Variants in DNAH5 observed in about 807,000 individuals in gnomAD.
DNAH5 encodes the protein axonemal beta dynein heavy chain 5.
In DNAH5, 372 loss-of-function variants were observed where a neutral mutation model predicts 518.2. The observed-to-expected ratio is 0.72, with a 90% CI of 0.66 to 0.78. The LOEUF (loss-of-function observed/expected upper bound fraction) is 0.78. Ranked by LOEUF, DNAH5 falls within the 30% of genes least tolerant of loss-of-function variation. The probability of loss-of-function intolerance (pLI) is 0.00; values close to 1 mark genes in which losing one functional copy is unlikely to be tolerated. For synonymous variants in DNAH5, 2,039 were observed against 2,025.9 expected (o/e 1.01, Z -0.17); for missense variants, 5,523 against 5,687.0 (o/e 0.97, Z 0.93).
chr5:13,811,715 T>C lies in DNAH5; in HGVS notation c.7339A>G (p.Met2447Val). 1 of 1,614,152 alleles carries C rather than the reference T, an allele frequency of 6.2e-7. No individual in the cohort carries two copies. The highest frequency in any genetic ancestry group is 8.5e-7 in the Non-Finnish European group (1 of 1,180,018). Residue 2447 changes from methionine (M) to valine (V), a missense_variant, in exon 44 of 79, where the codon ATG becomes GTG. Met to Val is a conservative substitution (Grantham distance 21). Transcript: ENST00000265104. ...RFCIQNLEYK[M>V]EVLEAFVITQ... Reference sequence around the variant, plus strand: ...ATGACAAAGGCCTCCAGCACCTCCATCTTGTATTCTAAGTTCTGGATACAG... The same window carrying C: ...ATGACAAAGGCCTCCAGCACCTCCACCTTGTATTCTAAGTTCTGGATACAG...
intron 76 of DNAH5, 113 bp downstream of exon 76, chr5:13,708,010 C>G: frequency 1.5e-6 from 2 of 1,290,414 alleles, no homozygotes; most frequent in Non-Finnish European, 2.2e-6. Flanking sequence ...GGGCTTCGTC[C>G]CTGTGCAAAA....
At position 13,980,176 on chromosome 5, in the gene DNAH5, G is replaced by A. The variant is rs539289602; in HGVS notation, c.12+31472C>T. Reference sequence around the variant, plus strand: ...TGAAATGCCTTCCTCACTCGACCAGGACATTCCTTCTCCTGACCCTGCACT... The same window carrying A: ...TGAAATGCCTTCCTCACTCGACCAGAACATTCCTTCTCCTGACCCTGCACT... On this transcript the variant is annotated intron_variant, in intron 1 of 78. Coordinates refer to the DNAH5 transcript ENST00000681290. 1.2e-4 allele frequency among the ~76,000 whole-genome samples: 19 copies of A among 152,032 alleles called. No individual in the cohort carries two copies. In the East Asian group the frequency reaches 2.7e-3, roughly 22 times the overall value.
At position 13,814,801 on chromosome 5, in the gene DNAH5, C is replaced by T. The variant is rs755596256; in HGVS notation, c.7034G>A (p.Trp2345Ter). 1.9e-6 allele frequency: 3 copies of T among 1,613,800 alleles called. No homozygotes were observed. The highest frequency in any genetic ancestry group is 2.5e-6 in the Non-Finnish European group (3 of 1,179,936). The stretch of plus-strand genomic sequence containing the variant: ...CAAAACAGAATTCAGATTTTCAATC[C>T]AGATGGCATCTACTGGACCATCAAG... The part of the protein sequence containing the change: ...IILDGPVDAI[W>*]IENLNSVLDD... Residue 2345 changes from tryptophan (W) to a stop codon, truncating the protein, a stop_gained, in exon 43 of 79, where the codon TGG (tryptophan) becomes TAG (stop). Coordinates refer to ENST00000265104, the MANE Select transcript of DNAH5 (RefSeq NM_001369.3). LOFTEE classifies it high-confidence loss of function.
At chr5:13,902,031 G>C (rs1292757839) in intron 13 of DNAH5, 22 bp downstream of exon 13, 2 of 1,480,324 alleles carry the variant, frequency 1.4e-6, no homozygotes, top group Non-Finnish European at 1.9e-6. Context: ...TTAGAAAATA[G>C]ACAATTTCTT....
rs529583467 is a variant in DNAH5 at position 13,747,991 on chromosome 5, CT to C, written c.11211+3086del. ...TGAATGGTATTGCCTAGGTTTTCTT[CT>C]AGGGTTTTTATAGTTTTAGGTCTAA... On this transcript the variant is annotated intron_variant, in intron 65 of 78. Coordinates refer to ENST00000265104, the MANE Select transcript of DNAH5 (RefSeq NM_001369.3). 2.5e-3 allele frequency among the ~76,000 whole-genome samples: 384 copies of C among 152,254 alleles called. 2 individuals carry two copies. In the Middle Eastern group the frequency reaches 0.031, roughly 12 times the overall value.
At chr5:13,914,042 T>G in intron 10 of DNAH5, 84 bp from the exon 11 acceptor site, 2 of 1,493,088 alleles carry the variant, frequency 1.3e-6, no homozygotes, top group Non-Finnish European at 1.8e-6. Context: ...ACAGCAAAAT[T>G]AGGATGGAAT....
chr5:14,004,135 G>A (rs1784554948), intron 1 of DNAH5, among the ~76,000 whole-genome samples: 2 of 152,188 alleles, frequency 1.3e-5, no homozygotes, highest in South Asian at 2.1e-4. Flanking sequence ...GAAATGCTTC[G>A]AATATTGCTG....
rs1206989225 is a variant in DNAH5, at chr5:13,766,129, AG to A, written c.9947del (p.Pro3316LeufsTer22). The A allele has an allele frequency of 6.2e-7, 1 of 1,614,190 alleles. No individual in the cohort carries two copies. The highest frequency in any genetic ancestry group is 8.5e-7 in the Non-Finnish European group (1 of 1,180,018). ...IATVRTLGRPPHLIMRIMDCV... is the reference protein window; with the variant it reads ...IATVRTLGRPXHLIMRIMDCV... ...AATCCATGATCCGCATGATGAGGTGAGGGGGGCGGCCCAACGTGCGAACAGT... is the reference window on the plus strand; with the variant it reads ...AATCCATGATCCGCATGATGAGGTGAGGGGGCGGCCCAACGTGCGAACAGT... On this transcript the variant is annotated frameshift_variant, in exon 59 of 79. Coordinates refer to ENST00000265104, the MANE Select transcript of DNAH5 (RefSeq NM_001369.3). LOFTEE classifies it high-confidence loss of function.
intron 12 of DNAH5, among the ~76,000 whole-genome samples, chr5:13,905,029 C>T (rs758653492): frequency 3.9e-5 from 6 of 152,150 alleles, no homozygotes; most frequent in Admixed American, 2.0e-4. Flanking sequence ...ATAAATAATT[C>T]ACAAAATTGA....
intron 43 of DNAH5, among the ~76,000 whole-genome samples, chr5:13,812,090 A>C (rs1180866688): frequency 2.0e-5 from 3 of 152,148 alleles, no homozygotes; most frequent in Non-Finnish European, 4.4e-5. Context: ...CCTGCTCAGG[A>C]GCCCACTGCA....
At chr5:13,866,303 G>C (rs1326606954) in intron 25 of DNAH5, 21 bp from the exon 26 acceptor site, 4 of 1,604,278 alleles carry the variant, frequency 2.5e-6, no homozygotes, top group Non-Finnish European at 3.4e-6. Context: ...AGTAAAAAAA[G>C]AAAAATAGAA....
At chr5:13,972,873 C>G (rs1035139492) in intron 1 of DNAH5, among the ~76,000 whole-genome samples, 8 of 152,212 alleles carry the variant, frequency 5.3e-5, no homozygotes, top group African/African-American at 1.9e-4. Flanking sequence ...TTTCTTTAGA[C>G]TCTGAACATT....
rs188073627 is a variant in DNAH5 at position 14,001,389 on chromosome 5, A to C, written c.12+10259T>G. ...GTTGTTGTTGTTGAGACAGAGTCAG[A>C]GTCTCACTCTGTCGTCCAGACTGGA... On this transcript the variant is annotated intron_variant, in intron 1 of 78. Transcript: ENST00000681290. 4.6e-3 allele frequency among the ~76,000 whole-genome samples: 704 copies of C among 152,254 alleles called. 4 individuals are homozygous for C. Among genetic ancestry groups the C allele is most frequent in the African/African-American group, 0.016 (658 of 41,542 alleles).
At chr5:13,923,963 T>A (rs1435839366) in intron 3 of DNAH5, among the ~76,000 whole-genome samples, 1 of 151,774 alleles carries the variant, frequency 6.6e-6, no homozygotes. Flanking sequence ...GGAGAATCAC[T>A]TGAACCCAGG....
At chr5:13,837,104 C>T (rs1764493204) in intron 35 of DNAH5, among the ~76,000 whole-genome samples, 2 of 152,198 alleles carry the variant, frequency 1.3e-5, no homozygotes, top group African/African-American at 4.8e-5. Flanking sequence ...GAAACACAGC[C>T]CTGCAGACAC....
At chr5:13,957,674 T>C (rs1440673633) in intron 1 of DNAH5, among the ~76,000 whole-genome samples, 2 of 151,874 alleles carry the variant, frequency 1.3e-5, no homozygotes, top group Non-Finnish European at 2.9e-5. Context: ...TGTAAATATA[T>C]CCATATAGTA....
chr5:13,820,088 A>G lies in DNAH5; in HGVS notation c.6841+258T>C, dbSNP rs561207490. Reference sequence around the variant, plus strand: ...GGGATAATAATAACCACCTCTCAAGATCATTGTGAAAATCAAATTACATAA... The same window carrying G: ...GGGATAATAATAACCACCTCTCAAGGTCATTGTGAAAATCAAATTACATAA... On this transcript the variant is annotated intron_variant, in intron 41 of 78. Transcript: ENST00000265104. Among the ~76,000 whole-genome samples, 245 of 152,326 alleles carry G rather than the reference A, an allele frequency of 1.6e-3. 1 individual carries two copies. Among genetic ancestry groups the G allele is most frequent in the African/African-American group, 5.6e-3 (234 of 41,588 alleles).
intron 12 of DNAH5, among the ~76,000 whole-genome samples, chr5:13,905,127 G>A (rs565952307): frequency 3.3e-5 from 5 of 152,252 alleles, no homozygotes; most frequent in East Asian, 3.9e-4. Context: ...TGCCAATTTC[G>A]AGTCTGTGTT....
At chr5:13,842,426 A>AGAAG (rs1561406904) in intron 32 of DNAH5, among the ~76,000 whole-genome samples, 2 of 48,624 alleles carry the variant, frequency 4.1e-5, no homozygotes, top group Non-Finnish European at 8.7e-5. Flanking sequence ...AGAAAAGAAA[A>AGAAG]GAAAGAAAGA....
Sources: allele counts gnomAD v4.1 joint callset (sites outside exome capture counted in the v4.1 genomes callset), GRCh38; gene constraint gnomAD v4.1.1; transcripts MANE v1.5; gene names NCBI Gene and HGNC (gene_info 2026-07-23, HGNC 2026-07-21).